Variants in HCRTR2 observed in about 807,000 individuals in gnomAD.
HCRTR2 encodes orexin receptor type 2.
A neutral mutation model predicts 49.0 loss-of-function variants in HCRTR2; 22 were observed. That is an observed-to-expected ratio of 0.45 (90% CI 0.32 to 0.64). HCRTR2 has a LOEUF of 0.64. Ranked by LOEUF, HCRTR2 falls within the 30% of genes least tolerant of loss-of-function variation. The probability of loss-of-function intolerance (pLI) is 0.04; values close to 1 mark genes in which losing one functional copy is unlikely to be tolerated. For synonymous variants in HCRTR2, 236 were observed against 205.3 expected (o/e 1.15, Z -1.28); for missense variants, 491 against 559.4 (o/e 0.88, Z 1.23).
intron 3 of HCRTR2, 84 bp downstream of exon 3, chr6:55,255,463 G>A (rs574662368): frequency 1.5e-4 from 227 of 1,486,900 alleles, no homozygotes; most frequent in Admixed American, 4.2e-4. Flanking sequence ...TGTAAAGCTG[G>A]GCTTATATAT....
intron 1 of HCRTR2, among the ~76,000 whole-genome samples, chr6:55,204,080 T>C (rs1035782261): frequency 2.0e-5 from 3 of 152,140 alleles, no homozygotes; most frequent in African/African-American, 7.2e-5. Flanking sequence ...ATTCCCAACT[T>C]CTGTGACTTC....
At chr6:55,256,833 A>G (rs1766662080) in intron 3 of HCRTR2, among the ~76,000 whole-genome samples, 1 of 152,092 alleles carries the variant, frequency 6.6e-6, no homozygotes, top group South Asian at 2.1e-4. Context: ...AGAGAAACAG[A>G]CTCTGCTTAC....
chr6:55,281,435 A>G (rs1767187707), intron 6 of HCRTR2, among the ~76,000 whole-genome samples: 1 of 152,214 alleles, frequency 6.6e-6, no homozygotes, highest in Non-Finnish European at 1.5e-5. Flanking sequence ...AAGTCCTAGT[A>G]TGGAGGATAA....
At chr6:55,155,257 A>G (rs866372220) in intron 1 of HCRTR2, among the ~76,000 whole-genome samples, 7 of 151,996 alleles carry the variant, frequency 4.6e-5, no homozygotes, top group Middle Eastern at 3.4e-3. Context: ...AAACAAACCT[A>G]TGATTTCAAT....
intron 1 of HCRTR2, among the ~76,000 whole-genome samples, chr6:55,209,711 C>T (rs566312021): frequency 6.6e-6 from 1 of 152,264 alleles, no homozygotes; most frequent in South Asian, 2.1e-4. Flanking sequence ...TTTTGTAAAT[C>T]TTACCACTTC....
chr6:55,125,232 T>A (rs997627361), intron 1 of HCRTR2, among the ~76,000 whole-genome samples: 7 of 152,166 alleles, frequency 4.6e-5, no homozygotes, highest in Non-Finnish European at 1.0e-4. Context: ...ATTTGGTATG[T>A]TTTTGCAGTG....
At chr6:55,226,711 GTTTT>G (rs777871106) in intron 1 of HCRTR2, among the ~76,000 whole-genome samples, 3 of 74,252 alleles carry the variant, frequency 4.0e-5, no homozygotes, top group African/African-American at 1.2e-4. Flanking sequence ...AATTCCAGGT[GTTTT>G]TTTTTTTTTT....
At chr6:55,250,619 G>A (rs888278912) in intron 2 of HCRTR2, among the ~76,000 whole-genome samples, 2 of 152,156 alleles carry the variant, frequency 1.3e-5, no homozygotes. Context: ...CTGCAGAGCA[G>A]GCATCTCAGA....
At chr6:55,130,742 G>A (rs72967886) in intron 1 of HCRTR2, among the ~76,000 whole-genome samples, 30,078 of 151,696 alleles carry the variant, frequency 0.2, 3,220 homozygotes, top group South Asian at 0.26. Flanking sequence ...CTACCCCAGG[G>A]ATTTTCTATA....
At chr6:55,149,900 ATGT>A (rs1764641105) in intron 1 of HCRTR2, among the ~76,000 whole-genome samples, 3 of 152,040 alleles carry the variant, frequency 2.0e-5, no homozygotes, top group Admixed American at 6.6e-5. Context: ...AATCACTTTA[ATGT>A]TGTATTTCAC....
chr6:55,146,307 T>A (rs1465614467), intron 1 of HCRTR2, among the ~76,000 whole-genome samples: 1 of 152,184 alleles, frequency 6.6e-6, no homozygotes, highest in Non-Finnish European at 1.5e-5. Context: ...CTGGCATTAA[T>A]GCAAAAGTAA....
intron 1 of HCRTR2, among the ~76,000 whole-genome samples, chr6:55,188,333 C>T (rs576274662): frequency 1.3e-5 from 2 of 152,234 alleles, no homozygotes; most frequent in East Asian, 1.9e-4. Flanking sequence ...AATACAAGAG[C>T]AAAGTCAAGC....
intron 1 of HCRTR2, among the ~76,000 whole-genome samples, chr6:55,196,113 CATT>C (rs1406338216): frequency 6.6e-6 from 1 of 152,158 alleles, no homozygotes; most frequent in Admixed American, 6.5e-5. Flanking sequence ...ACTTGTCGAT[CATT>C]GTTGTTTCTG....
At chr6:55,138,012 C>T (rs1044661414) in intron 1 of HCRTR2, among the ~76,000 whole-genome samples, 5 of 152,112 alleles carry the variant, frequency 3.3e-5, no homozygotes, top group Non-Finnish European at 7.4e-5. Context: ...GACTTGCATA[C>T]AGGAAGGGAG....
rs550040024 is a variant in HCRTR2 at position 55,177,818 on chromosome 6, C to G, written c.223+3008C>G. On this transcript the variant is annotated intron_variant, in intron 1 of 6. Coordinates refer to ENST00000370862, the MANE Select transcript of HCRTR2 (RefSeq NM_001384272.1). ...TGCCACCTCTCCACTCTCATATACT[C>G]CTCCCAAAGATGGAAAGCAGTTTCC... is the stretch of plus-strand genomic sequence containing the variant. 1.8e-4 allele frequency among the ~76,000 whole-genome samples: 27 copies of G among 152,212 alleles called. No individual in the cohort carries two copies. The South Asian group carries it at 5.4e-3, about 30-fold the overall frequency.
rs917427627 is a variant in HCRTR2 at position 55,241,861 on chromosome 6, A to ATTTTT, written c.224-6759_224-6755dup. On this transcript the variant is annotated intron_variant, in intron 1 of 6. Transcript: ENST00000370862. ...GTAGTCTGTCTTACTATGGCAACTA[A>ATTTTT]TTTTTTTTTTTTTTTTTTTTTTTGT... Among the ~76,000 whole-genome samples, 101 of 92,494 alleles carry ATTTTT rather than the reference A, an allele frequency of 1.1e-3. 1 individual carries two copies. The highest frequency in any genetic ancestry group is 3.3e-3 in the African/African-American group (76 of 22,950). The allele number at this position is 92,494 out of a possible 152,430, so 60.7% of individuals were successfully genotyped here.
At chr6:55,188,633 T>G (rs1262266732) in intron 1 of HCRTR2, among the ~76,000 whole-genome samples, 2 of 152,212 alleles carry the variant, frequency 1.3e-5, no homozygotes, top group Non-Finnish European at 2.9e-5. Context: ...AGCAAATATT[T>G]ATTGAACACC....
At chr6:55,236,248 C>A (rs1293261055) in intron 1 of HCRTR2, among the ~76,000 whole-genome samples, 1 of 151,798 alleles carries the variant, frequency 6.6e-6, no homozygotes, top group Non-Finnish European at 1.5e-5. Context: ...ATTTATTATT[C>A]TATTGTCAAT....
Position 55,278,727 on chromosome 6 carries a change from A to AATTATTATTATTATT in HCRTR2, c.983+1143_983+1157dup, listed in dbSNP as rs201178077. On this transcript the variant is annotated intron_variant, in intron 5 of 6. Coordinates refer to ENST00000370862, the MANE Select transcript of HCRTR2 (RefSeq NM_001384272.1). ...ATCTTTTTGTGCTTTGCTTCTTATT[A>AATTATTATTATTATT]ATTATTATTATTATTATTATTATTA... is the stretch of plus-strand genomic sequence containing the variant. Among the ~76,000 whole-genome samples, 17 of 144,686 alleles carry AATTATTATTATTATT rather than the reference A, an allele frequency of 1.2e-4. No homozygotes were observed. In the East Asian group the frequency reaches 1.9e-3, roughly 16 times the overall value. The allele number at this position is 144,686 out of a possible 152,430, so 94.9% of individuals were successfully genotyped here. A position where few individuals can be genotyped will look rare whatever the true frequency, so the allele number is the denominator to read the frequency against.
Sources: gnomAD v4.1 joint callset for allele counts (sites outside exome capture counted in the v4.1 genomes callset) on GRCh38, gnomAD v4.1.1 for gene constraint, MANE v1.5 for transcripts, NCBI Gene and HGNC (gene_info 2026-07-23, HGNC 2026-07-21) for gene names.